Variants in HTRA1 observed in about 807,000 individuals in gnomAD.
The protein encoded by HTRA1 is serine protease HTRA1.
A neutral mutation model predicts 49.7 loss-of-function variants in HTRA1; 26 were observed. The observed-to-expected ratio is 0.52, with a 90% CI of 0.38 to 0.73. The LOEUF (loss-of-function observed/expected upper bound fraction) is 0.73, where lower values mean the gene tolerates loss of function less well. HTRA1 is among the 30% of genes least tolerant of loss of function. The pLI is 0.00. For synonymous variants in HTRA1, 291 were observed against 286.9 expected, an observed-to-expected ratio of 1.01 and a Z score of -0.14; for missense variants, 561 against 667.2, an observed-to-expected ratio of 0.84 and a Z score of 1.75.
At chr10:122,514,166 C>T (rs368215560) in intron 8 of HTRA1, 25 bp from the exon 9 acceptor site, 2 of 1,609,620 alleles carry the variant, frequency 1.2e-6, no homozygotes, top group Non-Finnish European at 1.7e-6. Context: ...GAAACATTGC[C>T]ATTGTGTTTC....
chr10:122,500,602 G>T (rs2097500479), intron 3 of HTRA1, among the ~76,000 whole-genome samples: 1 of 152,164 alleles, frequency 6.6e-6, no homozygotes, highest in Non-Finnish European at 1.5e-5. Context: ...GGAGCCTGAG[G>T]GGGTAATGTG....
At chr10:122,508,028 G>GGCAGCTCTGGGGCCATTTATAGGT (rs1466937760) in intron 5 of HTRA1, among the ~76,000 whole-genome samples, 1 of 152,108 alleles carries the variant, frequency 6.6e-6, no homozygotes, top group Non-Finnish European at 1.5e-5. Context: ...CATTTATAGG[G>GGCAGCTCTGGGGCCATTTATAGGT]GCTGTCTTTA....
chr10:122,501,683 A>T (rs2133445656), intron 3 of HTRA1, among the ~76,000 whole-genome samples: 1 of 152,182 alleles, frequency 6.6e-6, no homozygotes, highest in East Asian at 1.9e-4. Context: ...GCTTGATTGG[A>T]TACTGCCGAT....
chr10:122,488,815 G>T lies in HTRA1; in HGVS notation c.473-87G>T, dbSNP rs573346484. On this transcript the variant is annotated intron_variant, in intron 1 of 8. Coordinates refer to ENST00000368984, the MANE Select transcript of HTRA1 (RefSeq NM_002775.5). ...CTTCAGAATTCCAAAGGCTGGGCAT[G>T]CATCTTGGCTTCCTCTAACCCATGT... 7 of 1,015,766 alleles carry T rather than the reference G, an allele frequency of 6.9e-6. No homozygotes were observed. In the South Asian group the frequency reaches 7.6e-5, roughly 11 times the overall value. The allele number at this position is 1,015,766 out of a possible 1,614,324, so 62.9% of individuals were successfully genotyped here. A position where few individuals can be genotyped will look rare whatever the true frequency, so the allele number is the denominator to read the frequency against.
rs746547640 is a variant in HTRA1, at chr10:122,461,681, C to CGCTGCTGCT, written c.40_48dup (p.Leu14_Leu16dup). 10 of 1,307,198 alleles carry CGCTGCTGCT rather than the reference C, an allele frequency of 7.6e-6. No homozygotes were observed. Among genetic ancestry groups the CGCTGCTGCT allele is most frequent in the Non-Finnish European group, 9.9e-6 (10 of 1,012,712 alleles). The allele number at this position is 1,307,198 out of a possible 1,614,324, so 81.0% of individuals were successfully genotyped here. A position where few individuals can be genotyped will look rare whatever the true frequency, so the allele number is the denominator to read the frequency against. ...CAGATCCCGCGCGCCGCTCTTCTCC[C>CGCTGCTGCT]GCTGCTGCTGCTGCTGCTGGCGGCG... is the stretch of plus-strand genomic sequence containing the variant. On this transcript the variant is annotated inframe_insertion, in exon 1 of 9. Transcript: ENST00000368984.
chr10:122,511,914 G>C (rs548423664), intron 7 of HTRA1, 56 bp from the exon 8 acceptor site: 1 of 1,306,184 alleles, frequency 7.7e-7, no homozygotes, highest in Admixed American at 1.7e-5. Context: ...TGAGTTTTGC[G>C]TGAGGAAGGC....
At chr10:122,486,195 C>T (rs2097493030) in intron 1 of HTRA1, among the ~76,000 whole-genome samples, 1 of 152,006 alleles carries the variant, frequency 6.6e-6, no homozygotes, top group Non-Finnish European at 1.5e-5. Context: ...ACTTCAGTGT[C>T]CATGGAGAAG....
intron 1 of HTRA1, among the ~76,000 whole-genome samples, chr10:122,470,433 A>G (rs1282344417): frequency 1.3e-5 from 2 of 151,644 alleles, no homozygotes; most frequent in Non-Finnish European, 2.9e-5. Flanking sequence ...AAGCATTGAA[A>G]TCCAAAGATA....
At chr10:122,505,081 C>G (rs565667911) in intron 3 of HTRA1, among the ~76,000 whole-genome samples, 1 of 152,334 alleles carries the variant, frequency 6.6e-6, no homozygotes, top group East Asian at 1.9e-4. Context: ...AGCGGGTATT[C>G]AAAGAGCTGT....
chr10:122,480,540 C>A (rs369871052), intron 1 of HTRA1, among the ~76,000 whole-genome samples: 1 of 152,180 alleles, frequency 6.6e-6, no homozygotes, highest in Non-Finnish European at 1.5e-5. Flanking sequence ...AGTGAAGCCC[C>A]CATGCTGGCC....
chr10:122,510,132 G>C lies in HTRA1; in HGVS notation c.1157G>C (p.Arg386Pro). The change falls in exon 7 of 9, where the codon CGA (arginine) becomes CCA (proline). Residue 386 changes from arginine to proline, a missense_variant. Arg to Pro is a moderately radical substitution (Grantham distance 103). Transcript: ENST00000368984. ...AITKKKYIGI[R>P]MMSLTSSKAK... ...ACCAAGAAGAAGTATATTGGTATCC[G>C]AATGATGTCACTCACGTCCAGGTGG... 6.2e-7 allele frequency: 1 copy of C among 1,614,048 alleles called. No individual in the cohort carries two copies. The highest frequency in any genetic ancestry group is 8.5e-7 in the Non-Finnish European group (1 of 1,179,906).
rs556431340 is a variant in HTRA1, at chr10:122,497,522, C to T, written c.777+7896C>T. ...TGCTGAAAGGCTGCTGTGTGCTGTT[C>T]GCTGGGCCCACCAAATAGAGTAGGA... is the stretch of plus-strand genomic sequence containing the variant. On this transcript the variant is annotated intron_variant, in intron 3 of 8. Transcript: ENST00000368984. Among the ~76,000 whole-genome samples, 6 of 152,200 alleles carry T rather than the reference C, an allele frequency of 3.9e-5. No individual in the cohort carries two copies. The South Asian group carries it at 1.2e-3, about 32-fold the overall frequency.
chr10:122,489,142 G>C, intron 2 of HTRA1, 141 bp downstream of exon 2: 1 of 750,536 alleles, frequency 1.3e-6, no homozygotes, highest in Admixed American at 2.0e-5. Flanking sequence ...GTCTCCCTTA[G>C]AACATTTTCC....
chr10:122,502,927 C>A (rs1042223936), intron 3 of HTRA1, among the ~76,000 whole-genome samples: 3 of 152,214 alleles, frequency 2.0e-5, no homozygotes, highest in South Asian at 2.1e-4. Context: ...GTGGGACTCG[C>A]GTGCCCTCTT....
At chr10:122,512,561 C>T (rs1427794066) in intron 8 of HTRA1, among the ~76,000 whole-genome samples, 1 of 152,180 alleles carries the variant, frequency 6.6e-6, no homozygotes, top group Non-Finnish European at 1.5e-5. Context: ...GGGTTTGTTA[C>T]CTGTATTGGC....
In HTRA1 at chr10:122,494,306, C is replaced by T. The variant is rs1041156865; in HGVS notation, c.777+4680C>T. ...AGTAGGACGTTCACAGCTGTCTGCCCCGGAGGAAGCAAGGGCACCCGCCAC... is the reference window on the plus strand; with the variant it reads ...AGTAGGACGTTCACAGCTGTCTGCCTCGGAGGAAGCAAGGGCACCCGCCAC... On this transcript the variant is annotated intron_variant, in intron 3 of 8. Transcript: ENST00000368984. The surrounding 1 kb of genome is among the most constrained non-coding windows in gnomAD (Gnocchi z 4.0). Among the ~76,000 whole-genome samples the T allele has an allele frequency of 9.2e-5, 14 of 152,094 alleles. No individual in the cohort carries two copies. The highest frequency in any genetic ancestry group is 2.1e-4 in the Non-Finnish European group (14 of 68,008).
chr10:122,494,472 G>A lies in HTRA1; in HGVS notation c.777+4846G>A, dbSNP rs935540299. Among the ~76,000 whole-genome samples, 6 of 152,226 alleles carry A rather than the reference G, an allele frequency of 3.9e-5. No homozygotes were observed. The highest frequency in any genetic ancestry group is 5.9e-5 in the Non-Finnish European group (4 of 68,040). On this transcript the variant is annotated intron_variant, in intron 3 of 8. Coordinates refer to ENST00000368984, the MANE Select transcript of HTRA1 (RefSeq NM_002775.5). This position sits in a 1 kb window ranked among gnomAD's most constrained non-coding sequence, Gnocchi z 4.0. ...TGCCTGCTTGGAGTTTGATGGACAC[G>A]TGGTCCTGTCAGGGCTACAGCAGGT...
intron 7 of HTRA1, among the ~76,000 whole-genome samples, chr10:122,510,624 C>G (rs192976085): frequency 1.3e-5 from 2 of 152,314 alleles, no homozygotes; most frequent in Non-Finnish European, 2.9e-5. Flanking sequence ...AAGTGAATGA[C>G]TGATGTGCTT....
chr10:122,495,345 G>A (rs899666052), intron 3 of HTRA1, among the ~76,000 whole-genome samples: 13 of 152,248 alleles, frequency 8.5e-5, no homozygotes, highest in Non-Finnish European at 1.6e-4. Flanking sequence ...TGCCACAGAC[G>A]GTGTTGACGT....
Sources: gnomAD v4.1 joint callset for allele counts (sites outside exome capture counted in the v4.1 genomes callset) on GRCh38, gnomAD v4.1.1 for gene constraint, Gnocchi (gnomAD v3.1) non-coding constraint, MANE v1.5 for transcripts, NCBI Gene and HGNC (gene_info 2026-07-23, HGNC 2026-07-21) for gene names.